Variants in CDKL1 observed in about 807,000 individuals in gnomAD.
CDKL1 encodes the protein cyclin dependent kinase like 1.
Under a neutral mutation model 42.0 loss-of-function variants are expected in CDKL1, and 41 were observed. The ratio of observed to expected loss-of-function variants is 0.98; its 90% CI spans 0.76 to 1.27. CDKL1 has a LOEUF of 1.27. Ranked by LOEUF, CDKL1 falls within the 50% of genes most tolerant of loss-of-function variation. CDKL1 has a pLI of 0.00. For synonymous variants in CDKL1, 153 were observed against 158.6 expected (o/e 0.96, Z 0.26); for missense variants, 394 against 428.4 (o/e 0.92, Z 0.71).
In CDKL1 at chr14:50,341,147, G is replaced by A. The variant is rs759521285; in HGVS notation, c.540C>T (p.Gly180=). 10 of 1,614,058 alleles carry A rather than the reference G, an allele frequency of 6.2e-6. No individual in the cohort carries two copies. The highest frequency in any genetic ancestry group is 2.7e-5 in the African/African-American group (2 of 74,910). The part of the protein sequence containing the change: ...PELLVGDTQY[G]PPVDVWAIGC... ...CAATTGCCCAAACATCCACCGGGGG[G>A]CCGTACTGCGTGTCCCCCACCAGCA... The change falls in exon 6 of 10, where the codon GGC becomes GGT. Residue 180 remains glycine, a synonymous_variant. Coordinates refer to ENST00000395834, the MANE Select transcript of CDKL1 (RefSeq NM_004196.7).
At chr14:50,357,766 T>G (rs971322600) in intron 3 of CDKL1, among the ~76,000 whole-genome samples, 4 of 152,242 alleles carry the variant, frequency 2.6e-5, no homozygotes, top group Non-Finnish European at 5.9e-5. Flanking sequence ...CTAGAATTCC[T>G]TTCTTCTAGA....
chr14:50,382,406 G>A (rs1006175423), intron 2 of CDKL1, among the ~76,000 whole-genome samples: 6 of 152,154 alleles, frequency 3.9e-5, no homozygotes, highest in South Asian at 2.1e-4. Flanking sequence ...AGCTGAGATC[G>A]TGCCACTGCA....
chr14:50,360,786 TTGTGTGTGTGTGTGTGTGTG>T lies in CDKL1; in HGVS notation c.169-1657_169-1638del, dbSNP rs58307197. Among the ~76,000 whole-genome samples, 5 of 144,700 alleles carry T rather than the reference TTGTGTGTGTGTGTGTGTGTG, an allele frequency of 3.5e-5. No individual in the cohort carries two copies. The East Asian group carries it at 8.2e-4, about 24-fold the overall frequency. The allele number at this position is 144,700 out of a possible 152,430, so 94.9% of individuals were successfully genotyped here. ...GGTGGAATGATAGACGTGTGTGTGTTTGTGTGTGTGTGTGTGTGTGTGTGTGTGTGTGTGTGTGTGATTGG... is the reference window on the plus strand; with the variant it reads ...GGTGGAATGATAGACGTGTGTGTGTTTGTGTGTGTGTGTGTGTGTGATTGG... On this transcript the variant is annotated intron_variant, in intron 2 of 9. Coordinates refer to ENST00000395834, the MANE Select transcript of CDKL1 (RefSeq NM_004196.7).
chr14:50,381,040 G>A (rs1313253968), intron 2 of CDKL1, among the ~76,000 whole-genome samples: 1 of 152,176 alleles, frequency 6.6e-6, no homozygotes, highest in Admixed American at 6.5e-5. Context: ...CTCCTGGTGG[G>A]TGTCTTTGGA....
intron 2 of CDKL1, among the ~76,000 whole-genome samples, chr14:50,395,283 A>G (rs2035365699): frequency 6.6e-6 from 1 of 152,210 alleles, no homozygotes; most frequent in Non-Finnish European, 1.5e-5. Flanking sequence ...AATTATGGGG[A>G]AGAAAAATAA....
chr14:50,341,001 T>C (rs2033495225), intron 6 of CDKL1, 31 bp downstream of exon 6: 1 of 1,605,004 alleles, frequency 6.2e-7, no homozygotes, highest in Non-Finnish European at 8.5e-7. Flanking sequence ...ATATCCAGTT[T>C]TCCAAAAGGT....
At chr14:50,339,382 G>A (rs776177010) in intron 6 of CDKL1, among the ~76,000 whole-genome samples, 9 of 152,000 alleles carry the variant, frequency 5.9e-5, no homozygotes, top group African/African-American at 9.7e-5. Flanking sequence ...ACAGCAAAAC[G>A]GCAACAACCA....
At chr14:50,343,519 C>A (rs1427780443) in intron 4 of CDKL1, among the ~76,000 whole-genome samples, 2 of 152,090 alleles carry the variant, frequency 1.3e-5, no homozygotes, top group Admixed American at 1.3e-4. Context: ...ATTCTTTTTA[C>A]CACTGGCTTC....
At chr14:50,374,354 ATAT>A (rs1456774903) in intron 2 of CDKL1, among the ~76,000 whole-genome samples, 6 of 152,258 alleles carry the variant, frequency 3.9e-5, no homozygotes, top group African/African-American at 1.2e-4. Context: ...TGAATATGTG[ATAT>A]TATGCATTGG....
intron 3 of CDKL1, among the ~76,000 whole-genome samples, chr14:50,349,779 G>T (rs890466960): frequency 4.1e-5 from 6 of 148,132 alleles, no homozygotes; most frequent in African/African-American, 1.6e-4. Context: ...TTTTTGTTTT[G>T]TTTTTTTGAG....
intron 2 of CDKL1, chr14:50,362,850 G>A (rs367894712): frequency 1.1e-5 from 4 of 365,476 alleles, no homozygotes; most frequent in Non-Finnish European, 2.4e-5. Context: ...CCAGATAAGA[G>A]AATAAAAGCA....
intron 2 of CDKL1, among the ~76,000 whole-genome samples, chr14:50,395,025 G>A (rs1241270613): frequency 6.6e-6 from 1 of 152,066 alleles, no homozygotes; most frequent in Non-Finnish European, 1.5e-5. Flanking sequence ...TAAGAAAAAC[G>A]CTTCTTTTTA....
At chr14:50,352,812 A>C (rs1283521619) in intron 3 of CDKL1, among the ~76,000 whole-genome samples, 1 of 152,220 alleles carries the variant, frequency 6.6e-6, no homozygotes, top group African/African-American at 2.4e-5. Flanking sequence ...AGTGAACATT[A>C]AACAAATTAA....
chr14:50,343,199 G>T (rs567799630), intron 4 of CDKL1: 2 of 401,738 alleles, frequency 5.0e-6, no homozygotes, highest in Admixed American at 5.5e-5. Context: ...TACTGCTCAG[G>T]GTCCCTAATA....
chr14:50,368,185 C>T (rs1373113125), intron 2 of CDKL1, among the ~76,000 whole-genome samples: 1 of 152,196 alleles, frequency 6.6e-6, no homozygotes, highest in Non-Finnish European at 1.5e-5. Flanking sequence ...ATCTTGAAAT[C>T]CTGGGCTCAA....
intron 7 of CDKL1, chr14:50,335,597 A>T (rs1489115400): frequency 1.2e-5 from 18 of 1,534,376 alleles, no homozygotes; most frequent in Non-Finnish European, 1.6e-5. Context: ...CAGGCAGACA[A>T]ACAGGCCAGT....
chr14:50,379,532 C>G (rs1351796902), intron 2 of CDKL1, among the ~76,000 whole-genome samples: 1 of 152,130 alleles, frequency 6.6e-6, no homozygotes, highest in African/African-American at 2.4e-5. Flanking sequence ...TGGCAGAGAC[C>G]AGGTGCTTAC....
At chr14:50,356,926 C>T (rs1289142250) in intron 3 of CDKL1, 2 of 152,114 alleles carry the variant, frequency 1.3e-5, no homozygotes, top group African/African-American at 4.8e-5. Context: ...TGTAATCACC[C>T]TTTTTATTCT....
rs1300314905 is a variant in CDKL1, at chr14:50,359,105, C to T, written c.213G>A (p.Arg71=). ...ACACCAGGTGAAGCCTCCGTTTCCT[C>T]CTGAAGACTTCCAGGAGGTTAACAA... ...PNLVNLLEVF[R]RKRRLHLVFE... Residue 71 remains arginine, a synonymous_variant, in exon 3 of 10, where the codon AGG becomes AGA. Transcript: ENST00000395834. The T allele has an allele frequency of 6.2e-7, 1 of 1,612,966 alleles. No homozygotes were observed. The highest frequency in any genetic ancestry group is 8.5e-7 in the Non-Finnish European group (1 of 1,179,070).
Sources: allele counts gnomAD v4.1 joint callset (sites outside exome capture counted in the v4.1 genomes callset), GRCh38; gene constraint gnomAD v4.1.1; transcripts MANE v1.5; gene names NCBI Gene and HGNC (gene_info 2026-07-23, HGNC 2026-07-21).